TBC1D22A: variants seen among roughly 807,000 people sequenced by gnomAD.
TBC1D22A encodes the protein putative GTPase activator.
In TBC1D22A, 38 loss-of-function variants were observed where a neutral mutation model predicts 60.2. The observed-to-expected ratio is 0.63, with a 90% CI of 0.49 to 0.83. The LOEUF (loss-of-function observed/expected upper bound fraction) is 0.83. Among genes scored for constraint, TBC1D22A ranks in the 40% least tolerant of loss-of-function variants. The probability of loss-of-function intolerance (pLI) is 0.00; values close to 1 mark genes in which losing one functional copy is unlikely to be tolerated. For missense variants in TBC1D22A, 628 were observed against 701.0 expected (o/e 0.90, Z 1.18); for synonymous variants, 302 against 281.7 (o/e 1.07, Z -0.72).
chr22:47,047,430 A>G (rs1354873195), intron 11 of TBC1D22A, among the ~76,000 whole-genome samples: 1 of 152,250 alleles, frequency 6.6e-6, no homozygotes, highest in African/African-American at 2.4e-5. Flanking sequence ...TGGGCGCTGA[A>G]GGAGAGGGGC....
intron 12 of TBC1D22A, among the ~76,000 whole-genome samples, chr22:47,123,780 C>T (rs1348562640): frequency 6.6e-6 from 1 of 152,216 alleles, no homozygotes; most frequent in East Asian, 1.9e-4. Context: ...AAAGTAATCT[C>T]TGAAGTGAAT....
chr22:46,781,026 T>A (rs1363547273), intron 1 of TBC1D22A, among the ~76,000 whole-genome samples: 1 of 152,120 alleles, frequency 6.6e-6, no homozygotes, highest in Non-Finnish European at 1.5e-5. Flanking sequence ...GGACCCATTC[T>A]CTTTCTCTTG....
intron 12 of TBC1D22A, among the ~76,000 whole-genome samples, chr22:47,160,362 G>GT (rs2067930735): frequency 6.6e-6 from 1 of 152,194 alleles, no homozygotes; most frequent in Non-Finnish European, 1.5e-5. Context: ...AGGCTCTGCC[G>GT]TCCCCCTGGA....
chr22:46,797,343 G>A (rs2084697946), intron 3 of TBC1D22A, 101 bp from the exon 4 acceptor site: 13 of 1,315,536 alleles, frequency 9.9e-6, no homozygotes, highest in Non-Finnish European at 1.4e-5. Flanking sequence ...ATGGGAAGAA[G>A]GGACCCATCA....
At chr22:46,966,767 T>C (rs2073823812) in intron 8 of TBC1D22A, among the ~76,000 whole-genome samples, 1 of 152,246 alleles carries the variant, frequency 6.6e-6, no homozygotes, top group South Asian at 2.1e-4. Flanking sequence ...CCAAGTTCTT[T>C]GTACAAAAAG....
chr22:47,101,421 T>G (rs11914221), intron 11 of TBC1D22A, among the ~76,000 whole-genome samples: 8,777 of 152,220 alleles, frequency 0.058, 782 homozygotes, highest in African/African-American at 0.2. Context: ...TCGGGCTAGG[T>G]ATGTCCTTCC....
chr22:47,017,018 C>T (rs946180337), intron 10 of TBC1D22A, among the ~76,000 whole-genome samples: 1 of 152,254 alleles, frequency 6.6e-6, no homozygotes, highest in Admixed American at 6.5e-5. Context: ...TTTTCTAACT[C>T]TAGTTTTCCT....
At chr22:47,096,900 C>T (rs544946347) in intron 11 of TBC1D22A, among the ~76,000 whole-genome samples, 6 of 152,358 alleles carry the variant, frequency 3.9e-5, no homozygotes, top group Non-Finnish European at 8.8e-5. Context: ...CACTTTCTCC[C>T]CCACCCTCAG....
chr22:46,817,250 C>T (rs1003490621), intron 4 of TBC1D22A, among the ~76,000 whole-genome samples: 4 of 144,146 alleles, frequency 2.8e-5, no homozygotes, highest in Non-Finnish European at 6.0e-5. Flanking sequence ...TATGAGGATA[C>T]TAGGTTGTCC....
chr22:47,170,195 G>A (rs11912155), intron 12 of TBC1D22A, among the ~76,000 whole-genome samples: 2,539 of 152,268 alleles, frequency 0.017, 74 homozygotes, highest in African/African-American at 0.058. Flanking sequence ...TGCAGGCTGC[G>A]AAGAACTGGG....
intron 4 of TBC1D22A, among the ~76,000 whole-genome samples, chr22:46,799,668 C>T (rs988770603): frequency 3.3e-5 from 5 of 152,216 alleles, no homozygotes; most frequent in African/African-American, 9.7e-5. Flanking sequence ...GCAGCTTTGC[C>T]GGTCTCTGCA....
chr22:47,091,794 AC>A (rs1304489545), intron 11 of TBC1D22A, among the ~76,000 whole-genome samples: 3 of 152,106 alleles, frequency 2.0e-5, no homozygotes, highest in Non-Finnish European at 4.4e-5. Context: ...CTTCATTTGC[AC>A]CTAAGCTGCC....
chr22:47,029,979 A>C lies in TBC1D22A; in HGVS notation c.1202-7092A>C, dbSNP rs1339292288. ...CTTGGTGTTCTGGCTGGTGAGCGTG[A>C]CTGGACCCTGCTTGTTGGGGACCTG... is the stretch of plus-strand genomic sequence containing the variant. On this transcript the variant is annotated intron_variant, in intron 10 of 12. Coordinates refer to ENST00000337137, the MANE Select transcript of TBC1D22A (RefSeq NM_014346.5). Among the ~76,000 whole-genome samples the C allele has an allele frequency of 2.6e-5, 4 of 152,168 alleles. No homozygotes were observed. The South Asian group carries it at 8.3e-4, about 32-fold the overall frequency.
intron 11 of TBC1D22A, among the ~76,000 whole-genome samples, chr22:47,059,190 C>T (rs1027343533): frequency 4.6e-5 from 7 of 152,280 alleles, no homozygotes; most frequent in Non-Finnish European, 1.0e-4. Context: ...GGGGGACAGG[C>T]CATGCCGTGT....
intron 6 of TBC1D22A, among the ~76,000 whole-genome samples, chr22:46,891,999 C>T (rs917553335): frequency 6.6e-6 from 1 of 152,176 alleles, no homozygotes; most frequent in African/African-American, 2.4e-5. Flanking sequence ...AGATGATGTA[C>T]ATAATGGGAA....
intron 8 of TBC1D22A, among the ~76,000 whole-genome samples, chr22:46,957,346 G>A (rs570779600): frequency 5.1e-4 from 77 of 152,350 alleles, no homozygotes; most frequent in Non-Finnish European, 9.0e-4. Flanking sequence ...AGTTCTGCAG[G>A]CTTAACAGGA....
chr22:47,077,614 G>A (rs2064279209), intron 11 of TBC1D22A, among the ~76,000 whole-genome samples: 1 of 152,194 alleles, frequency 6.6e-6, no homozygotes, highest in Non-Finnish European at 1.5e-5. Context: ...TGTGCCTGGA[G>A]CTGTTGTAAG....
At chr22:46,915,485 C>T (rs1276381323) in intron 8 of TBC1D22A, 4 of 456,588 alleles carry the variant, frequency 8.8e-6, no homozygotes, top group African/African-American at 8.0e-5. Context: ...TGTGACCGCT[C>T]ATACACCTTT....
rs2070551809 is a variant in TBC1D22A at position 46,918,815 on chromosome 22, CTTTAT to C, written c.1015+6632_1015+6636del. Among the ~76,000 whole-genome samples, 5 of 152,170 alleles carry C rather than the reference CTTTAT, an allele frequency of 3.3e-5. No individual in the cohort carries two copies. The South Asian group carries it at 1.0e-3, about 32-fold the overall frequency. On this transcript the variant is annotated intron_variant, in intron 8 of 12. Transcript: ENST00000337137. The stretch of plus-strand genomic sequence containing the variant: ...CTCAGTGGACCACAGCCTCTTGCAA[CTTTAT>C]TTTAAATAATTTTTTATGATGGAAA...
Sources: gnomAD v4.1 joint callset for allele counts (sites outside exome capture counted in the v4.1 genomes callset) on GRCh38, gnomAD v4.1.1 for gene constraint, MANE v1.5 for transcripts, NCBI Gene and HGNC (gene_info 2026-07-23, HGNC 2026-07-21) for gene names.